The following SMG1 variants were observed in gnomAD, a reference collection of about 807,000 sequenced individuals.
SMG1 encodes SMG1 nonsense mediated mRNA decay associated PI3K related kinase.
In SMG1, 22 loss-of-function variants were observed where a neutral mutation model predicts 419.9. The ratio of observed to expected loss-of-function variants is 0.05; its 90% confidence interval spans 0.04 to 0.07. SMG1 has a LOEUF of 0.07. Among genes scored for constraint, SMG1 ranks in the 10% least tolerant of loss-of-function variants. The probability of loss-of-function intolerance (pLI) is 1.00; values close to 1 mark genes in which losing one functional copy is unlikely to be tolerated. For synonymous variants in SMG1, 1,538 were observed against 1,553.5 expected (o/e 0.99, Z 0.23); for missense variants, 3,185 against 4,342.0 (o/e 0.73, Z 7.49).
chr16:18,903,104 C>T (rs1359116254), intron 1 of SMG1, among the ~76,000 whole-genome samples: 2 of 152,170 alleles, frequency 1.3e-5, no homozygotes, highest in South Asian at 2.1e-4. Flanking sequence ...GGATTACAGG[C>T]ATAAGCCACT....
intron 1 of SMG1, among the ~76,000 whole-genome samples, chr16:18,915,709 A>T (rs899625212): frequency 2.6e-5 from 4 of 152,168 alleles, no homozygotes; most frequent in Non-Finnish European, 5.9e-5. Context: ...AAGTCACTGC[A>T]TATCTGTACC....
chr16:18,916,930 T>C (rs573326398), intron 1 of SMG1, among the ~76,000 whole-genome samples: 15 of 152,076 alleles, frequency 9.9e-5, no homozygotes, highest in African/African-American at 3.6e-4. Context: ...TCCTAAAGAA[T>C]TGTAACAATT....
intron 51 of SMG1, among the ~76,000 whole-genome samples, chr16:18,830,807 G>A (rs1227813427): frequency 6.6e-6 from 1 of 151,958 alleles, no homozygotes. Context: ...AAAAAAGAAG[G>A]AATGTTATGA....
chr16:18,820,020 C>G (rs1408864659), intron 55 of SMG1, among the ~76,000 whole-genome samples: 1 of 151,984 alleles, frequency 6.6e-6, no homozygotes, highest in Non-Finnish European at 1.5e-5. Flanking sequence ...GCTGGAGTTG[C>G]AGTGGTGCAA....
chr16:18,869,936 T>C lies in SMG1; in HGVS notation c.2551A>G (p.Lys851Glu). ...GGGTGGAATGTATTACTTGGTGCTT[T>C]ACTCATGTGACTTCTTAATGCTAAA... The part of the protein sequence containing the change: ...ISLALRSHMS[K>E]APSNTFHPQD... The change falls in exon 19 of 63, where the codon AAA (lysine) becomes GAA (glutamate). Residue 851 changes from lysine (K) to glutamate (E), a missense_variant. This residue lies in a region of SMG1 where 297 missense variants were observed against 491.0 expected (regional missense o/e 0.60). Coordinates refer to ENST00000446231, the MANE Select transcript of SMG1 (RefSeq NM_015092.5). 6.5e-7 allele frequency: 1 copy of C among 1,527,430 alleles called. No homozygotes were observed. The highest frequency in any genetic ancestry group is 8.9e-7 in the Non-Finnish European group (1 of 1,122,296). 94.6% of individuals were successfully genotyped at this position (1,527,430 alleles called of 1,614,324 possible).
At chr16:18,866,578 A>G (rs779138601) in intron 23 of SMG1, 43 bp downstream of exon 23, 7 of 1,555,814 alleles carry the variant, frequency 4.5e-6, no homozygotes, top group Non-Finnish European at 6.1e-6. Flanking sequence ...CAGAACTTAA[A>G]CATAAAGTAA....
chr16:18,853,731 T>C lies in SMG1; in HGVS notation c.4620A>G (p.Ser1540=), dbSNP rs1330120414. The change falls in exon 31 of 63, where the codon TCA becomes TCG. Residue 1540 remains serine (S), a synonymous_variant. Coordinates refer to ENST00000446231, the MANE Select transcript of SMG1 (RefSeq NM_015092.5). ...KWIQAEWKEI[S]GQLKQVYRAQ... is the part of the protein sequence containing the mutation. Reference sequence around the variant, plus strand: ...CTCTGTAAACCTGTTTCAGCTGTCCTGAAATCTCTTTCCATTCTGCCTGGA... The same window carrying C: ...CTCTGTAAACCTGTTTCAGCTGTCCCGAAATCTCTTTCCATTCTGCCTGGA... The C allele has an allele frequency of 3.5e-5, 57 of 1,613,888 alleles. No homozygotes were observed. Among genetic ancestry groups the C allele is most frequent in the Non-Finnish European group, 4.7e-5 (56 of 1,179,888 alleles).
rs577822387 is a variant in SMG1 at position 18,839,606 on chromosome 16, G to A, written c.6945+92C>T. 4.7e-5 allele frequency: 71 copies of A among 1,505,372 alleles called. No individual in the cohort carries two copies. The East Asian group carries it at 1.5e-3, about 33-fold the overall frequency. The allele number at this position is 1,505,372 out of a possible 1,614,324, so 93.3% of individuals were successfully genotyped here. ...AACTACCAAGTCTGGAGGGACAGAG[G>A]AAGGAAGGGAAGGAGGACAAACAAG... is the stretch of plus-strand genomic sequence containing the variant. On this transcript the variant is annotated intron_variant, in intron 42 of 62. Transcript: ENST00000446231.
Position 18,863,584 on chromosome 16 carries a change from C to T in SMG1, c.3695+66G>A, listed in dbSNP as rs1266739520. ...TACATATGACCAATTTTAATATTTT[C>T]TTGCCATAGGAAAAACATCATAGTT... On this transcript the variant is annotated intron_variant, in intron 25 of 62. Transcript: ENST00000446231. 5.8e-6 allele frequency: 8 copies of T among 1,390,338 alleles called. 1 individual carries two copies. Among genetic ancestry groups the T allele is most frequent in the East Asian group, 2.3e-5 (1 of 43,864 alleles). 86.1% of individuals were successfully genotyped at this position (1,390,338 alleles called of 1,614,324 possible).
At chr16:18,867,697 CTTCTTTTTTT>C (rs1267424013) in intron 22 of SMG1, among the ~76,000 whole-genome samples, 2 of 125,434 alleles carry the variant, frequency 1.6e-5, no homozygotes, top group Non-Finnish European at 3.3e-5. Context: ...ATTATTTTAA[CTTCTTTTTTT>C]TTTTTTTTTT....
At chr16:18,814,058 T>TA (rs1258798212) in intron 60 of SMG1, among the ~76,000 whole-genome samples, 49 of 124,226 alleles carry the variant, frequency 3.9e-4, no homozygotes, top group South Asian at 9.9e-4. Context: ...TAAATTAAAT[T>TA]AAAAAAAAAT....
At chr16:18,858,871 A>G (rs1444338366) in intron 28 of SMG1, 151 bp downstream of exon 28, 9 of 614,116 alleles carry the variant, frequency 1.5e-5, no homozygotes, top group Non-Finnish European at 2.2e-5. Context: ...TTCTCAAATG[A>G]AAAACTGCCT....
chr16:18,818,339 C>A (rs2032205487), intron 56 of SMG1, among the ~76,000 whole-genome samples: 1 of 152,154 alleles, frequency 6.6e-6, no homozygotes, highest in Admixed American at 6.5e-5. Flanking sequence ...GAGCCAAGAT[C>A]ACGCCACTGC....
chr16:18,901,987 G>C (rs1397500716), intron 1 of SMG1, among the ~76,000 whole-genome samples: 1 of 150,186 alleles, frequency 6.7e-6, no homozygotes, highest in African/African-American at 2.5e-5. Context: ...AGGTGTCCTT[G>C]TTCATCTGGG....
At chr16:18,862,435 T>C (rs2035264196) in intron 25 of SMG1, among the ~76,000 whole-genome samples, 1 of 152,250 alleles carries the variant, frequency 6.6e-6, no homozygotes, top group South Asian at 2.1e-4. Flanking sequence ...GCCTTTTCTG[T>C]GTACTAATGA....
chr16:18,924,263 A>G (rs2038306023), intron 1 of SMG1, among the ~76,000 whole-genome samples: 1 of 152,218 alleles, frequency 6.6e-6, no homozygotes, highest in Non-Finnish European at 1.5e-5. Flanking sequence ...CCATAACTAC[A>G]TAAGCCATTT....
chr16:18,918,392 TTC>T, intron 1 of SMG1, among the ~76,000 whole-genome samples: 1 of 152,320 alleles, frequency 6.6e-6, no homozygotes, highest in East Asian at 1.9e-4. Flanking sequence ...AGTACCCAAT[TTC>T]TCTACACACT....
At chr16:18,811,381 G>A (rs550601332) in intron 62 of SMG1, among the ~76,000 whole-genome samples, 10 of 152,212 alleles carry the variant, frequency 6.6e-5, no homozygotes, top group East Asian at 3.9e-4. Flanking sequence ...AAAATGCTTC[G>A]GATTTGGAGC....
intron 1 of SMG1, among the ~76,000 whole-genome samples, chr16:18,898,531 A>T (rs1006391644): frequency 2.0e-5 from 3 of 152,204 alleles, no homozygotes; most frequent in Non-Finnish European, 4.4e-5. Context: ...ACCTAAAAAT[A>T]GCACATTTAA....
Sources: gnomAD v4.1 joint callset for allele counts (sites outside exome capture counted in the v4.1 genomes callset) on GRCh38, gnomAD v4.1.1 for gene constraint, gnomAD v4.1.1 regional missense constraint, MANE v1.5 for transcripts, NCBI Gene and HGNC (gene_info 2026-07-23, HGNC 2026-07-21) for gene names.